The following LRP1B variants were observed in gnomAD, a reference collection of about 807,000 sequenced individuals.
The protein encoded by LRP1B is LDL receptor related protein 1B, also known as low-density lipoprotein receptor-related protein 1B.
Under a neutral mutation model 556.6 loss-of-function variants are expected in LRP1B, and 217 were observed. The observed-to-expected ratio is 0.39, with a 90% CI of 0.35 to 0.44. The LOEUF (loss-of-function observed/expected upper bound fraction) is 0.44, where lower values mean the gene tolerates loss of function less well. Ranked by LOEUF, LRP1B falls within the 20% of genes least tolerant of loss-of-function variation. The pLI is 1.00. For missense variants in LRP1B, 5,053 were observed against 5,620.8 expected (o/e 0.90, Z 3.23); for synonymous variants, 2,047 against 1,865.8 (o/e 1.10, Z -2.50).
intron 1 of LRP1B, among the ~76,000 whole-genome samples, chr2:141,954,509 C>A (rs928429857): frequency 4.6e-5 from 7 of 152,036 alleles, no homozygotes; most frequent in African/African-American, 1.7e-4. Flanking sequence ...TTAATAACCC[C>A]AATGCTCATT....
chr2:141,175,772 C>T (rs528097851), intron 7 of LRP1B, among the ~76,000 whole-genome samples: 3 of 152,006 alleles, frequency 2.0e-5, no homozygotes, highest in Non-Finnish European at 4.4e-5. Flanking sequence ...GAAGATCTAC[C>T]AACAGCTTGC....
chr2:141,229,127 G>T (rs1683363014), intron 6 of LRP1B, 56 bp downstream of exon 6: 1 of 1,564,130 alleles, frequency 6.4e-7, no homozygotes, highest in Non-Finnish European at 8.8e-7. Flanking sequence ...CCAGCCTACG[G>T]GTCTGTAAAT....
rs1029876536 is a variant in LRP1B at position 141,824,411 on chromosome 2, A to G, written c.83-14010T>C. 3.9e-5 allele frequency among the ~76,000 whole-genome samples: 6 copies of G among 152,262 alleles called. No individual in the cohort carries two copies. The South Asian group carries it at 6.2e-4, about 16-fold the overall frequency. On this transcript the variant is annotated intron_variant, in intron 1 of 90. Transcript: ENST00000389484. ...CAAGCTGGGTTTTACCCAGGCTGGA[A>G]TGCAGTGGCGCGATCTCGGCTCACT...
intron 23 of LRP1B, among the ~76,000 whole-genome samples, chr2:140,902,113 T>A (rs1694122215): frequency 6.6e-6 from 1 of 152,224 alleles, no homozygotes; most frequent in South Asian, 2.1e-4. Flanking sequence ...ATATGCTAAC[T>A]TTCAGTTAGA....
Position 140,595,863 on chromosome 2 carries a change from A to G in LRP1B, c.7194+2768T>C, listed in dbSNP as rs188466154. Among the ~76,000 whole-genome samples the G allele has an allele frequency of 5.0e-4, 76 of 152,314 alleles. 1 individual carries two copies. The Middle Eastern group carries it at 0.021, about 41-fold the overall frequency. On this transcript the variant is annotated intron_variant, in intron 43 of 90. Transcript: ENST00000389484. ...GAGGATTAAATTTAACATTGCATAAAAAGTATAATTTTTAAAGAAGTAAAC... is the reference window on the plus strand; with the variant it reads ...GAGGATTAAATTTAACATTGCATAAGAAGTATAATTTTTAAAGAAGTAAAC...
intron 14 of LRP1B, among the ~76,000 whole-genome samples, chr2:141,008,677 C>A (rs1291763738): frequency 1.3e-5 from 2 of 151,760 alleles, no homozygotes; most frequent in African/African-American, 4.8e-5. Flanking sequence ...CTTTCTTTTT[C>A]CCAATCTTGT....
chr2:140,647,902 C>G (rs911987905), intron 41 of LRP1B, among the ~76,000 whole-genome samples: 4 of 152,082 alleles, frequency 2.6e-5, no homozygotes, highest in African/African-American at 9.7e-5. Flanking sequence ...GGATCTAGAG[C>G]TAGAAATACC....
chr2:141,453,064 C>G (rs897158939), intron 3 of LRP1B, among the ~76,000 whole-genome samples: 11 of 151,914 alleles, frequency 7.2e-5, no homozygotes, highest in African/African-American at 2.2e-4. Context: ...GGTGAATACC[C>G]GTCTCTACTA....
intron 2 of LRP1B, among the ~76,000 whole-genome samples, chr2:141,791,064 CT>C (rs1318392246): frequency 1.3e-5 from 2 of 151,776 alleles, no homozygotes; most frequent in Non-Finnish European, 2.9e-5. Flanking sequence ...AAAAAGTAAT[CT>C]TTTAATTATT....
intron 83 of LRP1B, among the ~76,000 whole-genome samples, chr2:140,312,118 G>GC (rs1217180129): frequency 1.3e-5 from 2 of 151,872 alleles, no homozygotes; most frequent in Non-Finnish European, 2.9e-5. Context: ...GGCAGAGAGA[G>GC]CTACAATGAC....
At chr2:140,525,437 T>C (rs887635928) in intron 49 of LRP1B, among the ~76,000 whole-genome samples, 6 of 151,936 alleles carry the variant, frequency 3.9e-5, no homozygotes, top group Non-Finnish European at 5.9e-5. Flanking sequence ...CAAAGGATTT[T>C]GTAAACTGCA....
At chr2:140,259,133 C>A (rs907812905) in intron 86 of LRP1B, among the ~76,000 whole-genome samples, 1 of 152,060 alleles carries the variant, frequency 6.6e-6, no homozygotes, top group East Asian at 1.9e-4. Flanking sequence ...CACCATTTAT[C>A]TTACACCACT....
intron 1 of LRP1B, among the ~76,000 whole-genome samples, chr2:142,016,933 T>G (rs1435456279): frequency 2.0e-5 from 3 of 150,688 alleles, no homozygotes; most frequent in Non-Finnish European, 4.4e-5. Flanking sequence ...TGTATGTATA[T>G]ATGTATATAT....
At position 141,440,733 on chromosome 2, in the gene LRP1B, T is replaced by A. The variant is rs200929275; in HGVS notation, c.343+39663A>T. 9.8e-5 allele frequency among the ~76,000 whole-genome samples: 15 copies of A among 152,292 alleles called. No homozygotes were observed. In the East Asian group the frequency reaches 2.9e-3, roughly 29 times the overall value. On this transcript the variant is annotated intron_variant, in intron 3 of 90. Transcript: ENST00000389484. ...CTTTCCCATTTTCTCTCATCACAAA[T>A]CTGTAACGATGAAGAGAGTCATTTA...
At chr2:141,281,399 G>C (rs1400872711) in intron 3 of LRP1B, among the ~76,000 whole-genome samples, 2 of 151,880 alleles carry the variant, frequency 1.3e-5, no homozygotes, top group Non-Finnish European at 2.9e-5. Flanking sequence ...GAAAATTCTG[G>C]GTAAGAGTTA....
At chr2:141,295,749 ACACAC>A (rs1686156946) in intron 3 of LRP1B, among the ~76,000 whole-genome samples, 85 of 102,772 alleles carry the variant, frequency 8.3e-4, no homozygotes, top group Middle Eastern at 4.1e-3. Flanking sequence ...GGAGAGAAAC[ACACAC>A]ACACACACAC....
At chr2:140,489,191 A>G (rs1230417228) in intron 57 of LRP1B, among the ~76,000 whole-genome samples, 2 of 152,022 alleles carry the variant, frequency 1.3e-5, no homozygotes, top group Non-Finnish European at 2.9e-5. Flanking sequence ...TTAAAATCAT[A>G]GGTTCAAATT....
intron 72 of LRP1B, among the ~76,000 whole-genome samples, chr2:140,361,085 A>G (rs1682480643): frequency 6.6e-6 from 1 of 151,140 alleles, no homozygotes; most frequent in South Asian, 2.1e-4. Context: ...TAATATTTAT[A>G]GTAACCTATA....
At chr2:140,284,938 A>C (rs1363882765) in intron 84 of LRP1B, among the ~76,000 whole-genome samples, 2 of 150,352 alleles carry the variant, frequency 1.3e-5, no homozygotes, top group Non-Finnish European at 3.0e-5. Context: ...AGATATCTAT[A>C]TATAACTCTG....
Sources: allele counts gnomAD v4.1 joint callset (sites outside exome capture counted in the v4.1 genomes callset), GRCh38; gene constraint gnomAD v4.1.1; transcripts MANE v1.5; gene names NCBI Gene and HGNC (gene_info 2026-07-23, HGNC 2026-07-21).